The following FERRY3 variants were observed in gnomAD, a reference collection of about 807,000 sequenced individuals.
FERRY3 encodes FERRY endosomal RAB5 effector complex subunit 3.
At chr12:4,521,232 G>A in the FERRY3 span, among the ~76,000 whole-genome samples, 4 of 152,058 alleles carry the variant, frequency 2.6e-5, no homozygotes, top group African/African-American at 9.7e-5. Flanking sequence ...GGTGGCATAC[G>A]CCTGTAATCC....
the FERRY3 span, chr12:4,518,746 A>G: frequency 7.9e-7 from 1 of 1,265,870 alleles, no homozygotes; most frequent in East Asian, 2.4e-5. Flanking sequence ...ACAATAAATT[A>G]TAACTGCAAA....
the FERRY3 span, among the ~76,000 whole-genome samples, chr12:4,510,604 G>A: frequency 1.3e-5 from 2 of 151,366 alleles, no homozygotes; most frequent in Non-Finnish European, 2.9e-5. Flanking sequence ...CATTCTTAAA[G>A]AAAAGAATCT....
At chr12:4,514,102 C>T in the FERRY3 span, among the ~76,000 whole-genome samples, 1 of 151,484 alleles carries the variant, frequency 6.6e-6, no homozygotes, top group South Asian at 2.1e-4. Flanking sequence ...ACAGACACTT[C>T]TCAAAAGAAG....
chr12:4,493,728 G>A, the FERRY3 span, among the ~76,000 whole-genome samples: 5 of 152,196 alleles, frequency 3.3e-5, no homozygotes, highest in Non-Finnish European at 7.3e-5. Context: ...GGAGGGACAA[G>A]TGTTTGGTTT....
chr12:4,490,627 C>T, the FERRY3 span: 1 of 1,542,470 alleles, frequency 6.5e-7, no homozygotes, highest in African/African-American at 1.4e-5. Flanking sequence ...ATGACAAGTT[C>T]TGGCCTTCAA....
the FERRY3 span, chr12:4,489,962 AG>A: frequency 8.6e-7 from 1 of 1,159,816 alleles, no homozygotes; most frequent in Non-Finnish European, 1.3e-6. Context: ...AAATAATTTT[AG>A]AAGTATTTTA....
At chr12:4,537,712 GT>G in the FERRY3 span, among the ~76,000 whole-genome samples, 1 of 152,094 alleles carries the variant, frequency 6.6e-6, no homozygotes. Context: ...AAGAGATAGG[GT>G]ATTTGTTTTA....
chr12:4,518,942 G>T, the FERRY3 span: 1 of 1,109,888 alleles, frequency 9.0e-7, no homozygotes, highest in Non-Finnish European at 1.3e-6. Flanking sequence ...TTAAAGGAAA[G>T]CTTTATAATG....
chr12:4,497,550 A>T, the FERRY3 span, among the ~76,000 whole-genome samples: 1 of 152,234 alleles, frequency 6.6e-6, no homozygotes, highest in African/African-American at 2.4e-5. Flanking sequence ...TTAGTAACCA[A>T]CAGTTACAAA....
the FERRY3 span, chr12:4,500,099 T>C: frequency 5.2e-6 from 8 of 1,530,396 alleles, no homozygotes; most frequent in Admixed American, 6.7e-5. Flanking sequence ...ATTATGATTA[T>C]GTAAATCATA....
chr12:4,526,713 G>A, the FERRY3 span, among the ~76,000 whole-genome samples: 1 of 151,864 alleles, frequency 6.6e-6, no homozygotes, highest in African/African-American at 2.4e-5. Flanking sequence ...ATGGTAGCGG[G>A]CGCCTGTAAT....
chr12:4,493,370 A>T, the FERRY3 span, among the ~76,000 whole-genome samples: 1 of 152,202 alleles, frequency 6.6e-6, no homozygotes, highest in Non-Finnish European at 1.5e-5. Context: ...ACATGCTCAA[A>T]AACATAGGTT....
At chr12:4,499,816 T>C in the FERRY3 span, among the ~76,000 whole-genome samples, 1 of 150,710 alleles carries the variant, frequency 6.6e-6, no homozygotes, top group African/African-American at 2.4e-5. Flanking sequence ...GAAGAGGGGG[T>C]AGGGGAGAAG....
the FERRY3 span, among the ~76,000 whole-genome samples, chr12:4,504,366 T>A: frequency 6.6e-6 from 1 of 152,148 alleles, no homozygotes; most frequent in Non-Finnish European, 1.5e-5. Flanking sequence ...TTGTATAAAG[T>A]GTACAAATAG....
At chr12:4,501,861 C>G in the FERRY3 span, among the ~76,000 whole-genome samples, 1 of 152,190 alleles carries the variant, frequency 6.6e-6, no homozygotes, top group Admixed American at 6.5e-5. Flanking sequence ...GAAACTGGTC[C>G]CTGGTGCTGG....
the FERRY3 span, chr12:4,518,797 TCTAA>T: frequency 1.3e-6 from 2 of 1,584,442 alleles, no homozygotes; most frequent in East Asian, 2.3e-5. Flanking sequence ...AAAACTTTCT[TCTAA>T]CTTTCTCTGT....
chr12:4,515,208 G>T, the FERRY3 span, among the ~76,000 whole-genome samples: 1 of 151,144 alleles, frequency 6.6e-6, no homozygotes, highest in African/African-American at 2.4e-5. Context: ...TGTGTAGATA[G>T]AAAGCTTCTG....
the FERRY3 span, among the ~76,000 whole-genome samples, chr12:4,529,011 TAC>T: frequency 6.6e-6 from 1 of 151,932 alleles, no homozygotes. Flanking sequence ...TAATGGCATA[TAC>T]ACCCAATGTC....
At chr12:4,525,015 T>C in the FERRY3 span, 1 of 380,126 alleles carries the variant, frequency 2.6e-6, no homozygotes, top group Non-Finnish European at 4.7e-6. Context: ...AGTATTTAGG[T>C]GTATGTATCT....
Sources: allele counts gnomAD v4.1 joint callset (sites outside exome capture counted in the v4.1 genomes callset), GRCh38; gene constraint gnomAD v4.1.1; transcripts MANE v1.5; gene names NCBI Gene and HGNC (gene_info 2026-07-23, HGNC 2026-07-21).